The following MTHFD2L variants were observed in gnomAD, a reference collection of about 807,000 sequenced individuals.
MTHFD2L encodes the protein bifunctional methylenetetrahydrofolate dehydrogenase/cyclohydrolase 2, mitochondrial.
MTHFD2L carries 29 observed loss-of-function variants against 34.9 expected under a neutral mutation model. The observed-to-expected ratio is 0.83, with a 90% CI of 0.62 to 1.13. The LOEUF is 1.13. MTHFD2L is among the 50% of genes most tolerant of loss of function. MTHFD2L has a pLI of 0.00. For missense variants in MTHFD2L, 481 were observed against 446.5 expected (o/e 1.08, Z -0.70); for synonymous variants, 167 against 155.7 (o/e 1.07, Z -0.54).
intron 7 of MTHFD2L, among the ~76,000 whole-genome samples, chr4:74,298,028 C>T (rs1033584783): frequency 2.2e-4 from 33 of 152,084 alleles, no homozygotes; most frequent in African/African-American, 7.5e-4. Flanking sequence ...TTATTATTTC[C>T]TTCTCAGACA....
intron 7 of MTHFD2L, among the ~76,000 whole-genome samples, chr4:74,296,575 C>T (rs1004408065): frequency 3.3e-5 from 5 of 152,076 alleles, no homozygotes; most frequent in Admixed American, 3.3e-4. Flanking sequence ...GCCTGGGAAC[C>T]TGAGGCCATC....
At chr4:74,150,249 TTTG>T (rs1027102437) in intron 1 of MTHFD2L, among the ~76,000 whole-genome samples, 1 of 152,112 alleles carries the variant, frequency 6.6e-6, no homozygotes, top group African/African-American at 2.4e-5. Context: ...ACCATAAGTT[TTTG>T]TTGTTGTTGT....
chr4:74,246,858 A>T (rs906173558), intron 6 of MTHFD2L, among the ~76,000 whole-genome samples: 2 of 152,172 alleles, frequency 1.3e-5, no homozygotes, highest in South Asian at 2.1e-4. Flanking sequence ...TGGTACCAGT[A>T]ACATGCTGTT....
At chr4:74,224,936 C>T (rs568876189) in intron 5 of MTHFD2L, among the ~76,000 whole-genome samples, 25 of 152,168 alleles carry the variant, frequency 1.6e-4, no homozygotes, top group South Asian at 8.3e-4. Context: ...TGTTCACTTA[C>T]CTTATTGCTT....
intron 1 of MTHFD2L, among the ~76,000 whole-genome samples, chr4:74,171,522 G>A (rs900149834): frequency 1.3e-5 from 2 of 152,180 alleles, no homozygotes; most frequent in African/African-American, 4.8e-5. Flanking sequence ...AATTAAAGCG[G>A]CCAGGAGTGG....
At chr4:74,225,428 T>C (rs1465889828) in intron 6 of MTHFD2L, 34 bp downstream of exon 6, 11 of 1,544,792 alleles carry the variant, frequency 7.1e-6, no homozygotes, top group Non-Finnish European at 9.8e-6. Flanking sequence ...TTTTGGAATG[T>C]CATCAGCAGA....
chr4:74,158,391 C>A, intron 1 of MTHFD2L, 110 bp downstream of exon 1: 2 of 859,540 alleles, frequency 2.3e-6, no homozygotes, highest in Non-Finnish European at 2.8e-6. Context: ...GGCCGCGCGG[C>A]GGCGGGCTGG....
chr4:74,132,392 G>T (rs1722585523), intron 1 of MTHFD2L, among the ~76,000 whole-genome samples: 1 of 152,128 alleles, frequency 6.6e-6, no homozygotes, highest in African/African-American at 2.4e-5. Context: ...TATACACCAT[G>T]GAATACTATG....
chr4:74,243,653 T>C (rs1241706230), intron 6 of MTHFD2L, among the ~76,000 whole-genome samples: 2 of 152,186 alleles, frequency 1.3e-5, no homozygotes, highest in Non-Finnish European at 2.9e-5. Flanking sequence ...TTTTTCATGT[T>C]GCTAAATGAA....
intron 6 of MTHFD2L, among the ~76,000 whole-genome samples, chr4:74,260,719 A>T (rs1192229437): frequency 6.6e-6 from 1 of 152,188 alleles, no homozygotes; most frequent in Admixed American, 6.6e-5. Context: ...CGATAGTCAT[A>T]TCAAAACAAG....
chr4:74,241,261 C>T (rs1741667833), intron 6 of MTHFD2L, among the ~76,000 whole-genome samples: 1 of 152,056 alleles, frequency 6.6e-6, no homozygotes, highest in Non-Finnish European at 1.5e-5. Flanking sequence ...TCAAGCCCGT[C>T]GAATTATCCA....
chr4:74,156,792 T>C (rs1308229527), upstream of MTHFD2L: 2 of 152,218 alleles, frequency 1.3e-5, no homozygotes, highest in African/African-American at 4.8e-5. Flanking sequence ...TAATTTGTAT[T>C]TCCTTAATGA....
intron 3 of MTHFD2L, among the ~76,000 whole-genome samples, chr4:74,191,765 G>T (rs1447719245): frequency 6.6e-6 from 1 of 151,712 alleles, no homozygotes; most frequent in African/African-American, 2.4e-5. Context: ...CACCATGTTG[G>T]CCAGGCTGGT....
intron 3 of MTHFD2L, among the ~76,000 whole-genome samples, chr4:74,186,640 T>C (rs187289983): frequency 7.4e-4 from 113 of 152,042 alleles, no homozygotes; most frequent in African/African-American, 2.6e-3. Context: ...GGAAAACCTA[T>C]ATATATTAAA....
At chr4:74,210,502 A>C (rs1421843380) in intron 5 of MTHFD2L, among the ~76,000 whole-genome samples, 1 of 152,076 alleles carries the variant, frequency 6.6e-6, no homozygotes, top group East Asian at 1.9e-4. Context: ...AGATGGTTGT[A>C]GATGTGTGGT....
chr4:74,258,144 T>G (rs142443444), intron 6 of MTHFD2L, among the ~76,000 whole-genome samples: 5 of 152,262 alleles, frequency 3.3e-5, no homozygotes, highest in Non-Finnish European at 7.4e-5. Flanking sequence ...TGTAAATTGG[T>G]TAAGCCATCA....
intron 6 of MTHFD2L, among the ~76,000 whole-genome samples, chr4:74,240,768 A>G (rs10518120): frequency 0.17 from 25,462 of 152,152 alleles, 2,394 homozygotes; most frequent in Admixed American, 0.24. Context: ...TAGATGACCC[A>G]TTTCCAATCA....
At chr4:74,172,571 T>C (rs1238564390) in intron 1 of MTHFD2L, among the ~76,000 whole-genome samples, 1 of 152,200 alleles carries the variant, frequency 6.6e-6, no homozygotes, top group Non-Finnish European at 1.5e-5. Context: ...AATACACTTT[T>C]ATGGTAAACT....
intron 1 of MTHFD2L, among the ~76,000 whole-genome samples, chr4:74,152,277 G>A (rs1428010000): frequency 4.0e-5 from 6 of 151,674 alleles, no homozygotes; most frequent in Admixed American, 6.6e-5. Context: ...ATATTTTGAG[G>A]GCATAAAAAA....
Sources: gnomAD v4.1 joint callset for allele counts (sites outside exome capture counted in the v4.1 genomes callset) on GRCh38, gnomAD v4.1.1 for gene constraint, MANE v1.5 for transcripts, NCBI Gene and HGNC (gene_info 2026-07-23, HGNC 2026-07-21) for gene names.